The following TTC28 variants were observed in gnomAD, a reference collection of about 807,000 sequenced individuals.
TTC28 encodes the protein tetratricopeptide repeat protein 28.
Under a neutral mutation model 198.0 loss-of-function variants are expected in TTC28, and 61 were observed. That is an observed-to-expected ratio of 0.31 (90% confidence interval 0.25 to 0.38). The LOEUF is 0.38. Among genes scored for constraint, TTC28 ranks in the 10% least tolerant of loss-of-function variants. The pLI, the probability that TTC28 is intolerant of heterozygous loss-of-function variation, is 1.00. For missense variants in TTC28, 2,678 were observed against 3,164.0 expected, an observed-to-expected ratio of 0.85 and a Z score of 3.69; for synonymous variants, 1,171 against 1,297.8, an observed-to-expected ratio of 0.90 and a Z score of 2.10.
Position 27,983,532 on chromosome 22 carries a change from G to A in TTC28, c.6135C>T (p.Thr2045=), listed in dbSNP as rs778978487. The change falls in exon 23 of 23, where the codon ACC becomes ACT. Residue 2045 remains threonine, a synonymous_variant. Transcript: ENST00000397906. ...CTTCATCTTTGTTGCCTGCAGGGCG[G>A]GTCTGGGGAGGCAGCTGGCTCCTAG... ...TLPRSQLPPQ[T]RPAGNKDEEE... is the part of the protein sequence containing the mutation. 62 of 1,551,180 alleles carry A rather than the reference G, an allele frequency of 4.0e-5. No homozygotes were observed. The South Asian group carries it at 6.5e-4, about 16-fold the overall frequency.
intron 5 of TTC28, among the ~76,000 whole-genome samples, chr22:28,259,509 T>A (rs1410218999): frequency 2.0e-5 from 3 of 152,010 alleles, no homozygotes; most frequent in Admixed American, 6.6e-5. Flanking sequence ...TGCTCGGGTA[T>A]GTTACAAAAC....
chr22:27,983,941 T>C (rs948866122), intron 22 of TTC28, 90 bp from the exon 23 acceptor site: 17 of 1,314,660 alleles, frequency 1.3e-5, no homozygotes, highest in Non-Finnish European at 1.6e-5. Flanking sequence ...TTTATATGCA[T>C]AGAAGCTAGC....
At chr22:27,988,946 C>T (rs979384845) in intron 21 of TTC28, among the ~76,000 whole-genome samples, 3 of 152,192 alleles carry the variant, frequency 2.0e-5, no homozygotes, top group African/African-American at 7.2e-5. Flanking sequence ...AGTGCAAGCT[C>T]TAGGATGGTA....
chr22:28,186,979 C>T (rs1924259719), intron 5 of TTC28, among the ~76,000 whole-genome samples: 1 of 152,130 alleles, frequency 6.6e-6, no homozygotes, highest in Non-Finnish European at 1.5e-5. Context: ...AGCTTATTAG[C>T]TTATTTTACC....
chr22:28,101,749 T>C (rs1942158851), intron 8 of TTC28, among the ~76,000 whole-genome samples: 1 of 121,926 alleles, frequency 8.2e-6, no homozygotes, highest in Non-Finnish European at 1.6e-5. Context: ...AGTAAGAATC[T>C]AGCCTGGGCA....
chr22:28,643,574 T>C (rs1230900125), intron 1 of TTC28, among the ~76,000 whole-genome samples: 1 of 152,192 alleles, frequency 6.6e-6, no homozygotes, highest in Non-Finnish European at 1.5e-5. Context: ...TTGGGGAAAA[T>C]TAATGTAAAT....
intron 2 of TTC28, among the ~76,000 whole-genome samples, chr22:28,475,555 C>T (rs866280477): frequency 6.6e-6 from 1 of 152,166 alleles, no homozygotes; most frequent in Non-Finnish European, 1.5e-5. Context: ...CAAGGATGCA[C>T]TTTACTGCTC....
At chr22:28,257,789 T>G (rs1179936160) in intron 5 of TTC28, among the ~76,000 whole-genome samples, 1 of 126,646 alleles carries the variant, frequency 7.9e-6, no homozygotes, top group Non-Finnish European at 1.7e-5. Flanking sequence ...TATCTTCTAC[T>G]TCAATAAAAA....
chr22:28,170,423 A>C (rs1275143587), intron 5 of TTC28, among the ~76,000 whole-genome samples: 1 of 151,194 alleles, frequency 6.6e-6, no homozygotes, highest in African/African-American at 2.4e-5. Context: ...CAGGAGGCAG[A>C]GCTTGCAGTG....
intron 12 of TTC28, among the ~76,000 whole-genome samples, chr22:28,036,914 A>G (rs1208316267): frequency 6.6e-6 from 1 of 152,228 alleles, no homozygotes; most frequent in Non-Finnish European, 1.5e-5. Context: ...AAACTAGAAA[A>G]TCTAGAAGAA....
At chr22:28,624,131 T>C (rs2051041420) in intron 2 of TTC28, among the ~76,000 whole-genome samples, 1 of 152,044 alleles carries the variant, frequency 6.6e-6, no homozygotes, top group South Asian at 2.1e-4. Context: ...AATTGATAAA[T>C]CTCTAGGTAG....
chr22:28,363,424 G>C (rs1420564606), intron 2 of TTC28, among the ~76,000 whole-genome samples: 1 of 152,226 alleles, frequency 6.6e-6, no homozygotes, highest in Admixed American at 6.5e-5. Flanking sequence ...CCAGGCAGAA[G>C]TTTGCTGCAG....
chr22:28,217,400 AAG>A (rs2147194320), intron 5 of TTC28, among the ~76,000 whole-genome samples: 1 of 152,344 alleles, frequency 6.6e-6, no homozygotes, highest in African/African-American at 2.4e-5. Flanking sequence ...CAGTTCAGCC[AAG>A]TCACATCTAA....
intron 2 of TTC28, among the ~76,000 whole-genome samples, chr22:28,430,212 C>T (rs2047411529): frequency 6.6e-6 from 1 of 152,024 alleles, no homozygotes; most frequent in Admixed American, 6.6e-5. Flanking sequence ...TAGAGCAATT[C>T]TATTTCTTAG....
At chr22:28,139,713 T>G (rs1452834438) in intron 6 of TTC28, among the ~76,000 whole-genome samples, 1 of 152,018 alleles carries the variant, frequency 6.6e-6, no homozygotes, top group Admixed American at 6.6e-5. Flanking sequence ...CCTTTTTTTT[T>G]TTTTTCCTAA....
chr22:28,345,154 A>G (rs1020119042), intron 2 of TTC28, among the ~76,000 whole-genome samples: 1 of 152,174 alleles, frequency 6.6e-6, no homozygotes, highest in African/African-American at 2.4e-5. Context: ...CAAAATAAAT[A>G]ACTTTAACCA....
At chr22:28,650,242 G>C (rs2051543297) in intron 1 of TTC28, among the ~76,000 whole-genome samples, 1 of 152,064 alleles carries the variant, frequency 6.6e-6, no homozygotes, top group South Asian at 2.1e-4. Flanking sequence ...TTGCAGGGGA[G>C]AAGAAAAGGA....
chr22:27,983,540 G>T lies in TTC28; in HGVS notation c.6127C>A (p.Pro2043Thr), dbSNP rs1161616778. ...RSTLPRSQLP[P>T]QTRPAGNKDE... Reference sequence around the variant, plus strand: ...TTGTTGCCTGCAGGGCGGGTCTGGGGAGGCAGCTGGCTCCTAGGCAGGGTG... The same window carrying T: ...TTGTTGCCTGCAGGGCGGGTCTGGGTAGGCAGCTGGCTCCTAGGCAGGGTG... The change falls in exon 23 of 23, where the codon CCC becomes ACC. Residue 2043 changes from proline to threonine, a missense_variant. Pro to Thr is a conservative substitution (Grantham distance 38). Coordinates refer to ENST00000397906, the MANE Select transcript of TTC28 (RefSeq NM_001145418.2). 1 of 1,551,370 alleles carries T rather than the reference G, an allele frequency of 6.4e-7. No homozygotes were observed. Among genetic ancestry groups the T allele is most frequent in the Admixed American group, 2.0e-5 (1 of 50,904 alleles).
chr22:28,677,214 ATTAAG>A (rs2052011543), intron 1 of TTC28, among the ~76,000 whole-genome samples: 1 of 146,070 alleles, frequency 6.8e-6, no homozygotes, highest in Non-Finnish European at 1.5e-5. Context: ...ACACATATAT[ATTAAG>A]TTAAAACCCT....
Sources: gnomAD v4.1 joint callset for allele counts (sites outside exome capture counted in the v4.1 genomes callset) on GRCh38, gnomAD v4.1.1 for gene constraint, MANE v1.5 for transcripts, NCBI Gene and HGNC (gene_info 2026-07-23, HGNC 2026-07-21) for gene names.